PARD3B: variants seen among roughly 807,000 people sequenced by gnomAD.
PARD3B encodes par-3 family cell polarity regulator beta.
In PARD3B, 103 loss-of-function variants were observed where a neutral mutation model predicts 130.2. The ratio of observed to expected loss-of-function variants is 0.79; its 90% CI spans 0.67 to 0.93. The LOEUF is 0.93. Among genes scored for constraint, PARD3B ranks in the 40% least tolerant of loss-of-function variants. PARD3B has a pLI of 0.00. For missense variants in PARD3B, 1,609 were observed against 1,499.2 expected (o/e 1.07, Z -1.21); for synonymous variants, 583 against 553.2 (o/e 1.05, Z -0.76).
intron 2 of PARD3B, among the ~76,000 whole-genome samples, chr2:204,712,005 A>G (rs748623746): frequency 6.6e-5 from 10 of 152,160 alleles, no homozygotes; most frequent in Non-Finnish European, 1.3e-4. Context: ...TTGAAAATGT[A>G]GACCAAATCT....
intron 16 of PARD3B, among the ~76,000 whole-genome samples, chr2:205,250,621 C>G (rs566980766): frequency 6.6e-6 from 1 of 152,220 alleles, no homozygotes; most frequent in East Asian, 1.9e-4. Flanking sequence ...AAAACTGAAG[C>G]TCAGGTAATT....
rs1444185983 is a variant in PARD3B at position 205,176,696 on chromosome 2, T to A, written c.1924+119T>A. ...TTAATTAGACTAAGTGCAGACTTTG[T>A]TACTCGGAGTCACAAACACTGAGAG... On this transcript the variant is annotated intron_variant, in intron 13 of 22. Coordinates refer to ENST00000406610, the MANE Select transcript of PARD3B (RefSeq NM_001302769.2). The surrounding 1 kb of genome is among the most constrained non-coding windows in gnomAD (Gnocchi z 5.3). 2.7e-6 allele frequency: 3 copies of A among 1,130,434 alleles called. No individual in the cohort carries two copies. The highest frequency in any genetic ancestry group is 6.7e-5 in the Admixed American group (2 of 29,908). 70.0% of individuals were successfully genotyped at this position (1,130,434 alleles called of 1,614,324 possible). A position where few individuals can be genotyped will look rare whatever the true frequency, so the allele number is the denominator to read the frequency against.
intron 5 of PARD3B, among the ~76,000 whole-genome samples, chr2:205,109,693 A>C (rs2125588845): frequency 8.1e-6 from 1 of 123,134 alleles, no homozygotes; most frequent in South Asian, 2.4e-4. Context: ...TTGCTCTTTC[A>C]CCCAGGCTGG....
intron 18 of PARD3B, among the ~76,000 whole-genome samples, chr2:205,380,252 A>T (rs867025695): frequency 2.8e-4 from 7 of 24,686 alleles, no homozygotes; most frequent in African/African-American, 3.2e-4. Context: ...TATTATATAT[A>T]ATATATAAAG....
intron 2 of PARD3B, among the ~76,000 whole-genome samples, chr2:204,793,914 TAGAG>T (rs1215593426): frequency 1.3e-5 from 2 of 152,336 alleles, no homozygotes; most frequent in East Asian, 3.9e-4. Flanking sequence ...AATAGTCTCA[TAGAG>T]AGGCATGTTT....
chr2:205,104,074 A>G (rs1467914838), intron 4 of PARD3B, among the ~76,000 whole-genome samples: 1 of 152,170 alleles, frequency 6.6e-6, no homozygotes, highest in Admixed American at 6.5e-5. Flanking sequence ...TAAGGCTAAT[A>G]TATCACCATC....
intron 1 of PARD3B, among the ~76,000 whole-genome samples, chr2:204,611,841 T>C (rs558328605): frequency 5.5e-4 from 43 of 78,120 alleles, no homozygotes; most frequent in African/African-American, 1.3e-3. Flanking sequence ...TATAAATCTA[T>C]ATCTATATCT....
chr2:204,951,287 A>G (rs1689744162), intron 2 of PARD3B, among the ~76,000 whole-genome samples: 1 of 152,186 alleles, frequency 6.6e-6, no homozygotes, highest in African/African-American at 2.4e-5. Flanking sequence ...CATGAATTTG[A>G]TGATATTACG....
intron 2 of PARD3B, among the ~76,000 whole-genome samples, chr2:204,923,277 A>T (rs1009853493): frequency 5.9e-5 from 9 of 152,050 alleles, no homozygotes; most frequent in Admixed American, 2.0e-4. Context: ...AAATAAATTT[A>T]AAAAAATAAT....
chr2:204,826,884 G>A (rs1349045054), intron 2 of PARD3B, among the ~76,000 whole-genome samples: 1 of 152,076 alleles, frequency 6.6e-6, no homozygotes, highest in African/African-American at 2.4e-5. Context: ...GCCAGTCATG[G>A]TGGTATGTGC....
In PARD3B at chr2:205,484,514, T is replaced by G. The variant is rs531931879; in HGVS notation, c.3045-15382T>G. ...GGAAAGCACTTGTTGGGAAAGAAGC[T>G]AAAGTTGTTGGTTTAAATGAGATTT... On this transcript the variant is annotated intron_variant, in intron 20 of 22. Transcript: ENST00000406610. Among the ~76,000 whole-genome samples, 53 of 152,336 alleles carry G rather than the reference T, an allele frequency of 3.5e-4. No individual in the cohort carries two copies. In the South Asian group the frequency reaches 3.5e-3, roughly 10 times the overall value.
rs530044269 is a variant in PARD3B at position 205,181,341 on chromosome 2, G to A, written c.1925-4423G>A. ...ATGACTATCCAAGATTGAATTATAC[G>A]TTTCAATTTGGCTAATGTTTATTGG... On this transcript the variant is annotated intron_variant, in intron 13 of 22. Coordinates refer to ENST00000406610, the MANE Select transcript of PARD3B (RefSeq NM_001302769.2). Among the ~76,000 whole-genome samples the A allele has an allele frequency of 5.3e-5, 8 of 152,284 alleles. No homozygotes were observed. In the East Asian group the frequency reaches 7.7e-4, roughly 15 times the overall value.
rs2044027635 is a variant in PARD3B, at chr2:205,352,395, G to A, written c.2631-48618G>A. Among the ~76,000 whole-genome samples, 1 of 152,156 alleles carries A rather than the reference G, an allele frequency of 6.6e-6. No individual in the cohort carries two copies. Among genetic ancestry groups the A allele is most frequent in the Non-Finnish European group, 1.5e-5 (1 of 68,038 alleles). ...GTAAATGGGTTTCATATGGTAACTA[G>A]TGACCTTGAAGGACTCAATTTTTAA... On this transcript the variant is annotated intron_variant, in intron 18 of 22. Coordinates refer to ENST00000406610, the MANE Select transcript of PARD3B (RefSeq NM_001302769.2). This position sits in a 1 kb window ranked among gnomAD's most constrained non-coding sequence, Gnocchi z 5.2.
chr2:204,734,910 T>C (rs2039680219), intron 2 of PARD3B, among the ~76,000 whole-genome samples: 1 of 152,000 alleles, frequency 6.6e-6, no homozygotes, highest in Non-Finnish European at 1.5e-5. Context: ...CTCAGTATAA[T>C]TGTTTAAAAA....
At chr2:204,604,541 A>T (rs1449830498) in intron 1 of PARD3B, among the ~76,000 whole-genome samples, 1 of 152,182 alleles carries the variant, frequency 6.6e-6, no homozygotes, top group African/African-American at 2.4e-5. Context: ...CGCTGAGATT[A>T]AAAAAATTTA....
At chr2:205,056,760 T>A (rs543314954) in intron 4 of PARD3B, among the ~76,000 whole-genome samples, 2 of 151,884 alleles carry the variant, frequency 1.3e-5, no homozygotes, top group Non-Finnish European at 2.9e-5. Flanking sequence ...TAAAGGAATA[T>A]CCTTTGAAAG....
intron 2 of PARD3B, among the ~76,000 whole-genome samples, chr2:204,753,100 T>C (rs1316435465): frequency 1.3e-5 from 2 of 152,178 alleles, no homozygotes; most frequent in Non-Finnish European, 2.9e-5. Context: ...GAAGGTGTAA[T>C]GTAAAACACA....
At chr2:204,612,464 G>A (rs896411665) in intron 1 of PARD3B, among the ~76,000 whole-genome samples, 2 of 152,108 alleles carry the variant, frequency 1.3e-5, no homozygotes, top group African/African-American at 4.8e-5. Flanking sequence ...AACAAAAATT[G>A]GATGGGAAAT....
chr2:205,079,613 T>C lies in PARD3B; in HGVS notation c.505-24813T>C, dbSNP rs1575723894. Among the ~76,000 whole-genome samples, 3 of 152,308 alleles carry C rather than the reference T, an allele frequency of 2.0e-5. No homozygotes were observed. The South Asian group carries it at 6.2e-4, about 32-fold the overall frequency. Reference sequence around the variant, plus strand: ...GCCACACTTCTTAATACTGTTGCATTGGGGATTCAGTTTCAACATGAATTT... The same window carrying C: ...GCCACACTTCTTAATACTGTTGCATCGGGGATTCAGTTTCAACATGAATTT... On this transcript the variant is annotated intron_variant, in intron 4 of 22. Transcript: ENST00000406610.
Sources: gnomAD v4.1 joint callset for allele counts (sites outside exome capture counted in the v4.1 genomes callset) on GRCh38, gnomAD v4.1.1 for gene constraint, Gnocchi (gnomAD v3.1) non-coding constraint, MANE v1.5 for transcripts, NCBI Gene and HGNC (gene_info 2026-07-23, HGNC 2026-07-21) for gene names.